Variants in RAB19 observed in about 807,000 individuals in gnomAD.
RAB19 encodes RAB19, member RAS oncogene family.
Under a neutral mutation model 17.3 loss-of-function variants are expected in RAB19, and 21 were observed. That is an observed-to-expected ratio of 1.21 (90% CI 0.86 to 1.74). The LOEUF is 1.74. RAB19 is among the 40% of genes most tolerant of loss of function. The pLI is 0.00. For missense variants in RAB19, 277 were observed against 286.8 expected (o/e 0.97, Z 0.25); for synonymous variants, 126 against 110.4 (o/e 1.14, Z -0.88).
chr7:140,412,063 G>C lies in RAB19; in HGVS notation c.385+6G>C, dbSNP rs369645823. 2.5e-6 allele frequency: 4 copies of C among 1,607,324 alleles called. No individual in the cohort carries two copies. In the African/African-American group the frequency reaches 5.3e-5, roughly 21 times the overall value. On this transcript the variant is annotated splice_donor_region_variant and intron_variant, in intron 3 of 3. Transcript: ENST00000537763. ...TGTGGTCATTATGCTGATTGGTATG[G>C]CATTTTTGAAGTTTTTAACTTTTGT...
chr7:140,419,297 C>G (rs1406186967), intron 3 of RAB19, among the ~76,000 whole-genome samples: 6 of 151,982 alleles, frequency 3.9e-5, no homozygotes, highest in Non-Finnish European at 5.9e-5. Context: ...TTGAACTCCC[C>G]ACCTCAAGTG....
intron 3 of RAB19, 132 bp downstream of exon 3, chr7:140,412,189 C>T (rs544082053): frequency 4.3e-6 from 4 of 939,922 alleles, no homozygotes; most frequent in Admixed American, 2.0e-5. Flanking sequence ...CAGTGGCTCA[C>T]ACCTGTAATC....
chr7:140,405,603 C>T (rs2130075433), intron 1 of RAB19, among the ~76,000 whole-genome samples: 1 of 152,028 alleles, frequency 6.6e-6, no homozygotes, highest in South Asian at 2.1e-4. Flanking sequence ...CTTTCAACCT[C>T]CTGGCGTCAA....
chr7:140,411,797 TAAG>T, intron 2 of RAB19, 74 bp from the exon 3 acceptor site: 1 of 1,609,530 alleles, frequency 6.2e-7, no homozygotes, highest in Non-Finnish European at 8.5e-7. Flanking sequence ...ACTGTGTTTT[TAAG>T]AAGATGTAGG....
intron 3 of RAB19, among the ~76,000 whole-genome samples, chr7:140,420,856 C>T (rs1343439004): frequency 1.3e-5 from 2 of 152,010 alleles, no homozygotes; most frequent in East Asian, 3.9e-4. Flanking sequence ...CTTAAAAATA[C>T]CTGAAGGAAG....
intron 3 of RAB19, among the ~76,000 whole-genome samples, chr7:140,416,125 C>T (rs1799453612): frequency 6.6e-6 from 1 of 152,100 alleles, no homozygotes; most frequent in Admixed American, 6.6e-5. Flanking sequence ...GGCAGATCAC[C>T]TGAGGTCGGG....
At chr7:140,421,416 A>G (rs1799561487) in intron 3 of RAB19, among the ~76,000 whole-genome samples, 1 of 152,044 alleles carries the variant, frequency 6.6e-6, no homozygotes, top group Admixed American at 6.6e-5. Context: ...GCTGGGGTAC[A>G]GTGGCCCAAT....
intron 1 of RAB19, 59 bp from the exon 2 acceptor site, chr7:140,407,565 C>T (rs1192238329): frequency 6.2e-6 from 8 of 1,289,170 alleles, no homozygotes; most frequent in Admixed American, 5.2e-5. Flanking sequence ...GACCTCCCTT[C>T]GTCTTGTCTT....
intron 1 of RAB19, among the ~76,000 whole-genome samples, chr7:140,404,992 A>G (rs1173068135): frequency 6.6e-6 from 1 of 152,112 alleles, no homozygotes; most frequent in African/African-American, 2.4e-5. Flanking sequence ...GCAAAATGGA[A>G]ATTTTTCAGG....
In RAB19 at chr7:140,407,781, A is replaced by G; in HGVS notation, c.135A>G (p.Thr45=). The change falls in exon 2 of 4, where the codon ACA becomes ACG. Residue 45 remains threonine, a synonymous_variant. Transcript: ENST00000537763. ...QHFKSGVYTE[T]QQNTIGVDFT... is the part of the protein sequence containing the mutation. ...TCAAGTCTGGAGTCTACACTGAGACACAGCAGAACACGATTGGAGTGGACT... is the reference window on the plus strand; with the variant it reads ...TCAAGTCTGGAGTCTACACTGAGACGCAGCAGAACACGATTGGAGTGGACT... The G allele has an allele frequency of 6.2e-7, 1 of 1,614,022 alleles. No individual in the cohort carries two copies. The highest frequency in any genetic ancestry group is 8.5e-7 in the Non-Finnish European group (1 of 1,180,010).
chr7:140,422,001 T>C (rs1055624954), intron 3 of RAB19, among the ~76,000 whole-genome samples: 1 of 152,218 alleles, frequency 6.6e-6, no homozygotes, highest in African/African-American at 2.4e-5. Flanking sequence ...TACATTTAGA[T>C]CTACCTGTAA....
At chr7:140,417,608 A>C (rs1799483429) in intron 3 of RAB19, among the ~76,000 whole-genome samples, 1 of 152,236 alleles carries the variant, frequency 6.6e-6, no homozygotes, top group South Asian at 2.1e-4. Context: ...TGCATGCTAT[A>C]CGAGCTTCCT....
intron 3 of RAB19, among the ~76,000 whole-genome samples, chr7:140,415,114 G>T (rs1422958096): frequency 2.7e-5 from 4 of 147,448 alleles, no homozygotes; most frequent in African/African-American, 7.5e-5. Flanking sequence ...TTGCTCTGTC[G>T]CCCAGGCTGG....
At chr7:140,410,015 TAATA>T in intron 2 of RAB19, among the ~76,000 whole-genome samples, 1 of 143,710 alleles carries the variant, frequency 7.0e-6, no homozygotes, top group South Asian at 2.2e-4. Context: ...AAAAAAAAGA[TAATA>T]AATAAAAATT....
intron 3 of RAB19, among the ~76,000 whole-genome samples, chr7:140,424,619 C>A (rs13309895): frequency 0.29 from 25,332 of 86,198 alleles, 2,464 homozygotes; most frequent in East Asian, 0.42. Flanking sequence ...CTCTCTCTCT[C>A]TATATATATA....
At chr7:140,421,805 G>A (rs753048049) in intron 3 of RAB19, among the ~76,000 whole-genome samples, 2 of 151,696 alleles carry the variant, frequency 1.3e-5, no homozygotes, top group Admixed American at 6.6e-5. Context: ...CAGCCTTTTC[G>A]TCTCTTGATG....
chr7:140,424,663 G>GTATATATA (rs36042630), intron 3 of RAB19, among the ~76,000 whole-genome samples: 232 of 117,718 alleles, frequency 2.0e-3, no homozygotes, highest in South Asian at 5.2e-3. Context: ...ATATGTGTGT[G>GTATATATA]TATATATATA....
At chr7:140,415,962 TTGGGAGGCTGAGG>T (rs1456841195) in intron 3 of RAB19, among the ~76,000 whole-genome samples, 1 of 151,854 alleles carries the variant, frequency 6.6e-6, no homozygotes, top group Non-Finnish European at 1.5e-5. Context: ...TCCCAGTAGT[TTGGGAGGCTGAGG>T]TGGGGGGTTG....
Position 140,412,001 on chromosome 7 carries a change from A to G in RAB19, c.329A>G (p.His110Arg), listed in dbSNP as rs550527590. The change falls in exon 3 of 4, where the codon CAC (histidine) becomes CGC (arginine). Residue 110 changes from histidine (H) to arginine (R), a missense_variant. Coordinates refer to ENST00000537763, the MANE Select transcript of RAB19 (RefSeq NM_001008749.3). ...CGGTCCACGTTCGAGTCCATCCCTC[A>G]CTGGATTCATGAGATAGAGAAATAT... Reference protein sequence around the residue: ...TRRSTFESIPHWIHEIEKYGA... With the variant: ...TRRSTFESIPRWIHEIEKYGA... 19 of 1,614,052 alleles carry G rather than the reference A, an allele frequency of 1.2e-5. No homozygotes were observed. In the South Asian group the frequency reaches 1.6e-4, roughly 14 times the overall value.
Sources: gnomAD v4.1 joint callset for allele counts (sites outside exome capture counted in the v4.1 genomes callset) on GRCh38, gnomAD v4.1.1 for gene constraint, MANE v1.5 for transcripts, NCBI Gene and HGNC (gene_info 2026-07-23, HGNC 2026-07-21) for gene names.